PRKCE: variants seen among roughly 807,000 people sequenced by gnomAD.
PRKCE encodes protein kinase C epsilon type.
A neutral mutation model predicts 85.4 loss-of-function variants in PRKCE; 16 were observed. The observed-to-expected ratio is 0.19, with a 90% confidence interval of 0.13 to 0.28. The LOEUF is 0.28. PRKCE is among the 10% of genes least tolerant of loss of function. PRKCE has a pLI of 1.00. For synonymous variants in PRKCE, 388 were observed against 371.5 expected, an observed-to-expected ratio of 1.04 and a Z score of -0.51; for missense variants, 573 against 975.2, an observed-to-expected ratio of 0.59 and a Z score of 5.49.
intron 2 of PRKCE, among the ~76,000 whole-genome samples, chr2:45,944,077 C>G (rs1403988656): frequency 6.6e-6 from 1 of 152,180 alleles, no homozygotes; most frequent in African/African-American, 2.4e-5. Flanking sequence ...TATTCCAGGA[C>G]TCAACCATGT....
intron 11 of PRKCE, among the ~76,000 whole-genome samples, chr2:46,093,926 T>G (rs553772510): frequency 7.2e-5 from 11 of 152,330 alleles, no homozygotes; most frequent in Admixed American, 5.9e-4. Context: ...TTCAGTTATG[T>G]GGTATGCTAT....
intron 7 of PRKCE, among the ~76,000 whole-genome samples, chr2:46,002,358 A>G (rs929594701): frequency 6.6e-6 from 1 of 152,202 alleles, no homozygotes; most frequent in African/African-American, 2.4e-5. Flanking sequence ...AACATCCTCA[A>G]GCCCCCTGCT....
intron 10 of PRKCE, among the ~76,000 whole-genome samples, chr2:46,070,091 GTT>G (rs1667947693): frequency 1.3e-5 from 2 of 152,200 alleles, no homozygotes; most frequent in African/African-American, 4.8e-5. Flanking sequence ...AGATGGTGGA[GTT>G]TGCTACAAAG....
intron 5 of PRKCE, among the ~76,000 whole-genome samples, chr2:45,981,054 G>A (rs1301584800): frequency 6.6e-6 from 1 of 152,176 alleles, no homozygotes; most frequent in East Asian, 1.9e-4. Context: ...CTTGACCACT[G>A]CACTACGTTG....
intron 11 of PRKCE, among the ~76,000 whole-genome samples, chr2:46,095,024 C>A (rs1376477030): frequency 6.6e-6 from 1 of 152,116 alleles, no homozygotes; most frequent in Admixed American, 6.5e-5. Context: ...TGCACTCGCC[C>A]GGCATAGATC....
At chr2:46,010,699 A>G (rs371312884) in intron 10 of PRKCE, 182 bp downstream of exon 10, 3 of 1,598,424 alleles carry the variant, frequency 1.9e-6, no homozygotes, top group Admixed American at 1.7e-5. Flanking sequence ...AGGATTTTCC[A>G]TTCAAGGTTG....
chr2:45,665,627 C>T (rs1675874861), intron 1 of PRKCE, among the ~76,000 whole-genome samples: 1 of 152,208 alleles, frequency 6.6e-6, no homozygotes, highest in Non-Finnish European at 1.5e-5. Flanking sequence ...CTTGCAGGTG[C>T]ACTGAGCCCA....
At chr2:45,961,520 C>T (rs909190989) in intron 2 of PRKCE, among the ~76,000 whole-genome samples, 4 of 152,196 alleles carry the variant, frequency 2.6e-5, no homozygotes, top group African/African-American at 9.6e-5. Flanking sequence ...TGTCCCATTT[C>T]ACTTGGCACA....
chr2:45,919,195 T>C (rs911750927), intron 2 of PRKCE, among the ~76,000 whole-genome samples: 10 of 152,136 alleles, frequency 6.6e-5, no homozygotes, highest in Non-Finnish European at 1.5e-4. Context: ...AAAGAGCTGA[T>C]GAATTGGGCT....
rs61763799 is a variant in PRKCE at position 45,977,364 on chromosome 2, C to T, written c.572+776C>T. ...TCAGGAAGGAGGCCAGGCACAAGTGCGGTGGCTGATGTCTATAATCCCAGC... is the reference window on the plus strand; with the variant it reads ...TCAGGAAGGAGGCCAGGCACAAGTGTGGTGGCTGATGTCTATAATCCCAGC... On this transcript the variant is annotated intron_variant, in intron 3 of 14. Transcript: ENST00000306156. Among the ~76,000 whole-genome samples the T allele has an allele frequency of 1.7e-3, 253 of 151,924 alleles. 1 individual carries two copies. The highest frequency in any genetic ancestry group is 5.5e-3 in the African/African-American group (228 of 41,420).
chr2:45,659,798 T>C (rs968095180), intron 1 of PRKCE, among the ~76,000 whole-genome samples: 4 of 151,998 alleles, frequency 2.6e-5, no homozygotes, highest in African/African-American at 9.7e-5. Context: ...ATCTAAAAGT[T>C]CACCCTCTTA....
chr2:45,897,208 T>C (rs1178551597), intron 2 of PRKCE, among the ~76,000 whole-genome samples: 1 of 152,234 alleles, frequency 6.6e-6, no homozygotes, highest in Non-Finnish European at 1.5e-5. Context: ...TCAGTAAGTA[T>C]AGGCATGAAT....
At chr2:45,933,697 C>G (rs544182695) in intron 2 of PRKCE, among the ~76,000 whole-genome samples, 80 of 152,006 alleles carry the variant, frequency 5.3e-4, no homozygotes, top group African/African-American at 1.8e-3. Flanking sequence ...AGGATGGTCT[C>G]GATCTCCTGA....
chr2:45,843,116 C>A, intron 2 of PRKCE, 53 bp downstream of exon 2: 1 of 1,513,352 alleles, frequency 6.6e-7, no homozygotes, highest in Non-Finnish European at 9.2e-7. Flanking sequence ...CCTTTGCCTT[C>A]TGGGTCTCTT....
In PRKCE at chr2:46,125,180, G is replaced by A. The variant is rs565303879; in HGVS notation, c.1593-19913G>A. Reference sequence around the variant, plus strand: ...CTAAATATTAGTAGAGAAGTCTTTGGGAAGAGCATTTGGGAAAATGAATTG... The same window carrying A: ...CTAAATATTAGTAGAGAAGTCTTTGAGAAGAGCATTTGGGAAAATGAATTG... On this transcript the variant is annotated intron_variant, in intron 11 of 14. Transcript: ENST00000306156. Among the ~76,000 whole-genome samples, 84 of 152,092 alleles carry A rather than the reference G, an allele frequency of 5.5e-4. 1 individual carries two copies. Among genetic ancestry groups the A allele is most frequent in the Non-Finnish European group, 1.1e-3 (75 of 68,022 alleles).
chr2:46,085,746 TTTG>T (rs1358093434), intron 10 of PRKCE, among the ~76,000 whole-genome samples: 1 of 25,406 alleles, frequency 3.9e-5, no homozygotes, highest in Non-Finnish European at 1.1e-4. Context: ...GTTTTTTTTT[TTTG>T]TTTTTGTTTT....
chr2:46,088,270 A>T (rs547286354), intron 11 of PRKCE, among the ~76,000 whole-genome samples: 1 of 152,084 alleles, frequency 6.6e-6, no homozygotes, highest in East Asian at 1.9e-4. Context: ...AAAGTTTCTT[A>T]GCTTTTCTCA....
chr2:45,780,729 G>A (rs555649714), intron 1 of PRKCE, among the ~76,000 whole-genome samples: 5 of 152,238 alleles, frequency 3.3e-5, no homozygotes, highest in Non-Finnish European at 7.3e-5. Context: ...CATCTGGTCA[G>A]CCAGGGTTGC....
intron 14 of PRKCE, among the ~76,000 whole-genome samples, chr2:46,174,808 G>T (rs185615782): frequency 3.9e-5 from 6 of 151,918 alleles, no homozygotes; most frequent in Admixed American, 1.3e-4. Flanking sequence ...TCACACCTCC[G>T]CCTCCTGAGT....
Sources: allele counts gnomAD v4.1 joint callset (sites outside exome capture counted in the v4.1 genomes callset), GRCh38; gene constraint gnomAD v4.1.1; transcripts MANE v1.5; gene names NCBI Gene and HGNC (gene_info 2026-07-23, HGNC 2026-07-21).